ZFAND3: variants seen among roughly 807,000 people sequenced by gnomAD.
The protein encoded by ZFAND3 is zinc finger AN1-type containing 3, also known as AN1-type zinc finger protein 3.
A neutral mutation model predicts 29.6 loss-of-function variants in ZFAND3; 10 were observed. The observed-to-expected ratio is 0.34, with a 90% CI of 0.21 to 0.57. ZFAND3 has a LOEUF of 0.57. Ranked by LOEUF, ZFAND3 falls within the 20% of genes least tolerant of loss-of-function variation. The pLI is 0.86. For synonymous variants in ZFAND3, 128 were observed against 112.6 expected (o/e 1.14, Z -0.87); for missense variants, 230 against 304.5 (o/e 0.76, Z 1.82).
chr6:38,141,189 T>C (rs1033406291), intron 5 of ZFAND3, among the ~76,000 whole-genome samples: 3 of 152,244 alleles, frequency 2.0e-5, no homozygotes, highest in African/African-American at 7.2e-5. Context: ...AACAAGTGCA[T>C]GTGATGCTGG....
rs111308066 is a variant in ZFAND3 at position 38,127,694 on chromosome 6, C to CT, written c.529+10969dup. 2.8e-3 allele frequency among the ~76,000 whole-genome samples: 406 copies of CT among 142,964 alleles called. 1 individual carries two copies. Among genetic ancestry groups the CT allele is most frequent in the South Asian group, 6.5e-3 (29 of 4,446 alleles). 93.8% of individuals were successfully genotyped at this position (142,964 alleles called of 152,430 possible). On this transcript the variant is annotated intron_variant, in intron 5 of 5. Transcript: ENST00000287218. ...CCTTAGTAATCATTTAGTCTCATCT[C>CT]TTTTTTTTTTTTTTAAATAAATGAG...
At chr6:37,917,679 A>G (rs1206273845) in intron 1 of ZFAND3, among the ~76,000 whole-genome samples, 1 of 152,182 alleles carries the variant, frequency 6.6e-6, no homozygotes, top group Non-Finnish European at 1.5e-5. Flanking sequence ...TAGGAAATGA[A>G]TATTTTGAAC....
At chr6:38,054,646 G>A (rs1764098977) in intron 2 of ZFAND3, among the ~76,000 whole-genome samples, 2 of 152,188 alleles carry the variant, frequency 1.3e-5, no homozygotes, top group African/African-American at 2.4e-5. Context: ...TTTTAAAGAA[G>A]CTAGAAGATA....
chr6:37,864,687 GTATA>G (rs1398551155), intron 1 of ZFAND3, among the ~76,000 whole-genome samples: 2 of 151,362 alleles, frequency 1.3e-5, no homozygotes, highest in African/African-American at 4.9e-5. Context: ...GTGTATATAT[GTATA>G]TATGTGTGTA....
chr6:37,836,280 CT>C (rs1763966600), intron 1 of ZFAND3, among the ~76,000 whole-genome samples: 2 of 137,064 alleles, frequency 1.5e-5, no homozygotes, highest in Admixed American at 1.5e-4. Flanking sequence ...GACCTTTTTT[CT>C]TTCATCTCTT....
At chr6:37,907,943 G>A (rs962471353) in intron 1 of ZFAND3, among the ~76,000 whole-genome samples, 3 of 152,074 alleles carry the variant, frequency 2.0e-5, no homozygotes, top group African/African-American at 7.2e-5. Flanking sequence ...ACATAACCAC[G>A]ATTTTATCAC....
At chr6:37,951,990 T>C (rs1762007306) in intron 2 of ZFAND3, among the ~76,000 whole-genome samples, 1 of 152,250 alleles carries the variant, frequency 6.6e-6, no homozygotes, top group Non-Finnish European at 1.5e-5. Context: ...GTTCTGTTAA[T>C]GTGATAAATC....
At chr6:37,964,527 C>G (rs1047245112) in intron 2 of ZFAND3, among the ~76,000 whole-genome samples, 10 of 152,210 alleles carry the variant, frequency 6.6e-5, no homozygotes, top group Admixed American at 3.3e-4. Flanking sequence ...CCCTTAGAGA[C>G]AGCCAGCCAT....
intron 2 of ZFAND3, among the ~76,000 whole-genome samples, chr6:37,996,361 G>A (rs1581823993): frequency 6.6e-6 from 1 of 152,110 alleles, no homozygotes; most frequent in Non-Finnish European, 1.5e-5. Context: ...CACTTGTTAT[G>A]TACTTATTTC....
intron 2 of ZFAND3, among the ~76,000 whole-genome samples, chr6:37,949,496 AG>A (rs1168599333): frequency 6.6e-6 from 1 of 152,108 alleles, no homozygotes; most frequent in African/African-American, 2.4e-5. Flanking sequence ...ATCTACCTGG[AG>A]GTGTAGTGCC....
rs951895722 is a variant in ZFAND3, at chr6:38,143,679, A to G, written c.530-8556A>G. ...TTGAAAAGCAGACAGACTGATGCCC[A>G]GCTTGTTGATTCACTGTGGCTTTGG... is the stretch of plus-strand genomic sequence containing the variant. On this transcript the variant is annotated intron_variant, in intron 5 of 5. Transcript: ENST00000287218. Among the ~76,000 whole-genome samples, 11 of 152,370 alleles carry G rather than the reference A, an allele frequency of 7.2e-5. 1 individual carries two copies. The highest frequency in any genetic ancestry group is 3.3e-4 in the Admixed American group (5 of 15,310).
chr6:37,850,528 T>C (rs996560612), intron 1 of ZFAND3, among the ~76,000 whole-genome samples: 19 of 152,166 alleles, frequency 1.2e-4, no homozygotes, highest in Admixed American at 1.1e-3. Flanking sequence ...GTATTTCTAC[T>C]GTACCATTGC....
At chr6:38,117,064 A>G (rs968122697) in intron 5 of ZFAND3, among the ~76,000 whole-genome samples, 2 of 152,158 alleles carry the variant, frequency 1.3e-5, no homozygotes, top group Non-Finnish European at 2.9e-5. Flanking sequence ...CGACTTCAGA[A>G]GTTTACCAAA....
At chr6:38,064,858 A>G (rs893559327) in intron 3 of ZFAND3, among the ~76,000 whole-genome samples, 3 of 152,104 alleles carry the variant, frequency 2.0e-5, no homozygotes, top group Non-Finnish European at 4.4e-5. Context: ...ATCTAGGGAA[A>G]TGAGATTTGC....
chr6:38,059,632 C>G (rs1005220446), intron 2 of ZFAND3, among the ~76,000 whole-genome samples: 6 of 152,180 alleles, frequency 3.9e-5, no homozygotes, highest in Non-Finnish European at 8.8e-5. Flanking sequence ...AATCCCAGCA[C>G]TTTGGGAGAC....
At chr6:37,905,434 C>G (rs1193264624) in intron 1 of ZFAND3, among the ~76,000 whole-genome samples, 3 of 152,038 alleles carry the variant, frequency 2.0e-5, no homozygotes, top group African/African-American at 4.8e-5. Context: ...TGACAATCAC[C>G]TTGGACCTTT....
intron 2 of ZFAND3, among the ~76,000 whole-genome samples, chr6:38,018,758 T>C (rs759464811): frequency 4.6e-5 from 7 of 152,210 alleles, no homozygotes; most frequent in Non-Finnish European, 8.8e-5. Flanking sequence ...TATTTGTGTA[T>C]GTAGGGTACT....
At chr6:38,013,246 A>G (rs1255858840) in intron 2 of ZFAND3, among the ~76,000 whole-genome samples, 2 of 152,180 alleles carry the variant, frequency 1.3e-5, no homozygotes, top group Non-Finnish European at 1.5e-5. Context: ...ATTCGCTAAC[A>G]TTTTTGTGGC....
chr6:37,903,232 ATAATT>A (rs1445484056), intron 1 of ZFAND3, among the ~76,000 whole-genome samples: 1 of 152,180 alleles, frequency 6.6e-6, no homozygotes, highest in East Asian at 1.9e-4. Context: ...GAAAAATCCT[ATAATT>A]TAAGGTGTAA....
Sources: gnomAD v4.1 joint callset for allele counts (sites outside exome capture counted in the v4.1 genomes callset) on GRCh38, gnomAD v4.1.1 for gene constraint, MANE v1.5 for transcripts, NCBI Gene and HGNC (gene_info 2026-07-23, HGNC 2026-07-21) for gene names.